Variants in ZFAT observed in about 807,000 individuals in gnomAD.
The protein encoded by ZFAT is zinc finger protein ZFAT.
ZFAT carries 64 observed loss-of-function variants against 117.7 expected under a neutral mutation model. The ratio of observed to expected loss-of-function variants is 0.54; its 90% CI spans 0.44 to 0.67. ZFAT has a LOEUF of 0.67. Among genes scored for constraint, ZFAT ranks in the 30% least tolerant of loss-of-function variants. The pLI is 0.00. For synonymous variants in ZFAT, 679 were observed against 615.0 expected (o/e 1.10, Z -1.54); for missense variants, 1,433 against 1,584.5 (o/e 0.90, Z 1.62).
intron 13 of ZFAT, among the ~76,000 whole-genome samples, chr8:134,514,744 G>C (rs1339266792): frequency 2.0e-5 from 3 of 152,188 alleles, no homozygotes; most frequent in African/African-American, 7.2e-5. Context: ...CAAGAGCAGA[G>C]AGACGGGTCT....
chr8:134,681,556 T>C (rs1833070640), intron 1 of ZFAT, among the ~76,000 whole-genome samples: 1 of 152,222 alleles, frequency 6.6e-6, no homozygotes, highest in African/African-American at 2.4e-5. Flanking sequence ...ATGAGACTAG[T>C]ACATTACTCT....
intron 11 of ZFAT, among the ~76,000 whole-genome samples, chr8:134,543,882 C>T (rs1822476390): frequency 6.6e-6 from 1 of 152,134 alleles, no homozygotes; most frequent in South Asian, 2.1e-4. Context: ...CCACTTAAAA[C>T]AATGCCCCCT....
chr8:134,602,539 T>C lies in ZFAT; in HGVS notation c.1180A>G (p.Met394Val). The C allele has an allele frequency of 6.2e-7, 1 of 1,614,034 alleles. No homozygotes were observed. Among genetic ancestry groups the C allele is most frequent in the Non-Finnish European group, 8.5e-7 (1 of 1,180,026 alleles). Residue 394 changes from methionine (M) to valine (V), a missense_variant, in exon 6 of 16, where the codon ATG becomes GTG. This residue lies in a region of ZFAT where 73 missense variants were observed against 122.0 expected (regional missense o/e 0.60). Transcript: ENST00000377838. ...VKEALDELCLMTREGKRQLLY... is the reference protein window; with the variant it reads ...VKEALDELCLVTREGKRQLLY... ...AGCTGCCGCTTGCCCTCCCTCGTCA[T>C]CAGGCAGAGCTCGTCCAAGGCCTCT...
the ZFAT span, among the ~76,000 whole-genome samples, chr8:134,727,484 C>T: frequency 6.6e-6 from 1 of 152,176 alleles, no homozygotes; most frequent in African/African-American, 2.4e-5. Context: ...TGTCTCTCCT[C>T]CTCTCATGGA....
chr8:134,578,582 T>C (rs544848838), intron 10 of ZFAT, among the ~76,000 whole-genome samples: 2 of 151,942 alleles, frequency 1.3e-5, no homozygotes, highest in Non-Finnish European at 2.9e-5. Flanking sequence ...AACAGAGGAA[T>C]GGCACGACCT....
In ZFAT at chr8:134,497,173, G is replaced by C. The variant is rs144300205; in HGVS notation, c.3492+12446C>G. Among the ~76,000 whole-genome samples, 757 of 152,238 alleles carry C rather than the reference G, an allele frequency of 5.0e-3. 5 individuals are homozygous for C. Among genetic ancestry groups the C allele is most frequent in the African/African-American group, 0.017 (704 of 41,534 alleles). On this transcript the variant is annotated intron_variant, in intron 15 of 15. Coordinates refer to ENST00000377838, the MANE Select transcript of ZFAT (RefSeq NM_020863.4). ...TTGCTGTCAGGCCTGGTGGGCGATG[G>C]AGAGCTTCTATTCTAAGTTTACTGG...
intron 4 of ZFAT, among the ~76,000 whole-genome samples, chr8:134,610,037 T>C (rs1704353986): frequency 6.6e-6 from 1 of 152,092 alleles, no homozygotes; most frequent in Non-Finnish European, 1.5e-5. Flanking sequence ...ACAAAACAGA[T>C]GGTGGGCAGA....
chr8:134,649,753 G>A (rs1831122342), intron 2 of ZFAT, among the ~76,000 whole-genome samples: 1 of 152,162 alleles, frequency 6.6e-6, no homozygotes, highest in Non-Finnish European at 1.5e-5. Flanking sequence ...TGGATTGGAA[G>A]GTTTAAAATT....
chr8:134,584,756 G>A (rs1267726368), intron 9 of ZFAT, among the ~76,000 whole-genome samples: 1 of 151,922 alleles, frequency 6.6e-6, no homozygotes, highest in Admixed American at 6.6e-5. Flanking sequence ...TTACAATATT[G>A]TGTGATGTGC....
the ZFAT span, among the ~76,000 whole-genome samples, chr8:134,749,325 G>A: frequency 2.0e-5 from 3 of 152,272 alleles, no homozygotes; most frequent in South Asian, 4.1e-4. Context: ...CTTAGACTGG[G>A]TAATTTATAA....
the ZFAT span, among the ~76,000 whole-genome samples, chr8:134,755,377 C>A: frequency 6.8e-6 from 1 of 146,700 alleles, no homozygotes; most frequent in African/African-American, 2.5e-5. Flanking sequence ...CGTGTCTCTG[C>A]ACTCCAGCCT....
At chr8:134,649,486 G>A (rs1248672712) in intron 2 of ZFAT, among the ~76,000 whole-genome samples, 1 of 152,022 alleles carries the variant, frequency 6.6e-6, no homozygotes, top group African/African-American at 2.4e-5. Context: ...AAGTTCACAA[G>A]ATCTAATAAA....
At chr8:134,701,757 A>C (rs1006670873) in intron 1 of ZFAT, among the ~76,000 whole-genome samples, 1 of 152,202 alleles carries the variant, frequency 6.6e-6, no homozygotes, top group Non-Finnish European at 1.5e-5. Flanking sequence ...TTTCATTGCC[A>C]AGTAGTATTC....
At chr8:134,618,279 A>G (rs1393368440) in intron 3 of ZFAT, among the ~76,000 whole-genome samples, 1 of 152,176 alleles carries the variant, frequency 6.6e-6, no homozygotes, top group Non-Finnish European at 1.5e-5. Context: ...CCTGCTCCAG[A>G]GCCATTCGTC....
intron 11 of ZFAT, among the ~76,000 whole-genome samples, chr8:134,540,599 A>C (rs914425410): frequency 1.3e-5 from 2 of 152,178 alleles, no homozygotes; most frequent in Non-Finnish European, 2.9e-5. Context: ...AGTCCCACCT[A>C]CACCACCATG....
chr8:134,624,180 GCACACACACACACACACA>G (rs57195425), intron 3 of ZFAT, among the ~76,000 whole-genome samples: 26 of 146,192 alleles, frequency 1.8e-4, no homozygotes, highest in Non-Finnish European at 3.1e-4. Context: ...ATGTGCACAT[GCACACACACACACACACA>G]CACACACACA....
At chr8:134,745,652 C>G in the ZFAT span, among the ~76,000 whole-genome samples, 14 of 152,304 alleles carry the variant, frequency 9.2e-5, no homozygotes, top group African/African-American at 2.9e-4. Context: ...GGCAGAGGAG[C>G]TTTTATCAGA....
At chr8:134,737,134 G>A in the ZFAT span, among the ~76,000 whole-genome samples, 1 of 152,040 alleles carries the variant, frequency 6.6e-6, no homozygotes, top group Admixed American at 6.6e-5. Context: ...TACAAAATTA[G>A]CTGGACGTGG....
intron 15 of ZFAT, among the ~76,000 whole-genome samples, chr8:134,487,878 C>T (rs949389180): frequency 6.6e-6 from 1 of 152,236 alleles, no homozygotes; most frequent in African/African-American, 2.4e-5. Context: ...CCTCGCCTTC[C>T]TGGCACAAAG....
Sources: allele counts gnomAD v4.1 joint callset (sites outside exome capture counted in the v4.1 genomes callset), GRCh38; gene constraint gnomAD v4.1.1; regional missense constraint gnomAD v4.1.1; transcripts MANE v1.5; gene names NCBI Gene and HGNC (gene_info 2026-07-23, HGNC 2026-07-21).